KCNH4: variants seen among roughly 807,000 people sequenced by gnomAD.
KCNH4 encodes the protein voltage-gated delayed rectifier potassium channel KCNH4.
A neutral mutation model predicts 90.7 loss-of-function variants in KCNH4; 33 were observed. The observed-to-expected ratio is 0.36, with a 90% confidence interval of 0.28 to 0.49. KCNH4 has a LOEUF of 0.49. Among genes scored for constraint, KCNH4 ranks in the 20% least tolerant of loss-of-function variants. The pLI, the probability that KCNH4 is intolerant of heterozygous loss-of-function variation, is 0.98. For missense variants in KCNH4, 1,044 were observed against 1,387.1 expected, an observed-to-expected ratio of 0.75 and a Z score of 3.93; for synonymous variants, 551 against 581.7, an observed-to-expected ratio of 0.95 and a Z score of 0.76.
At chr17:42,164,866 G>A (rs1359057152) in intron 11 of KCNH4, among the ~76,000 whole-genome samples, 4 of 151,324 alleles carry the variant, frequency 2.6e-5, no homozygotes, top group Admixed American at 2.0e-4. Flanking sequence ...AGCACTTTGG[G>A]AGGCCGAGGT....
Position 42,180,499 on chromosome 17 carries a change from G to A in KCNH4, c.76+371C>T. Among the ~76,000 whole-genome samples the A allele has an allele frequency of 6.6e-6, 1 of 152,068 alleles. No individual in the cohort carries two copies. Among genetic ancestry groups the A allele is most frequent in the Admixed American group, 6.5e-5 (1 of 15,268 alleles). On this transcript the variant is annotated intron_variant, in intron 1 of 16. Transcript: ENST00000264661. This position sits in a 1 kb window ranked among gnomAD's most constrained non-coding sequence, Gnocchi z 4.7. ...AGGTAGTGGGAGCTGGAGTCTGTGA[G>A]TAGACCCCAGAATGCCCGGCCACTT...
chr17:42,160,654 C>CA (rs2079740034), intron 15 of KCNH4, among the ~76,000 whole-genome samples: 1 of 152,210 alleles, frequency 6.6e-6, no homozygotes, highest in African/African-American at 2.4e-5. Context: ...CCTACACACA[C>CA]ACGCGCGCGC....
Position 42,162,684 on chromosome 17 carries a change from C to T in KCNH4, c.2585-363G>A, listed in dbSNP as rs150614933. ...CTCAGCTCACTGCAACCTCTGTCTC[C>T]GAGGTTCAAGCAATTCTCCTGTCTC... On this transcript the variant is annotated intron_variant, in intron 14 of 16. Coordinates refer to ENST00000264661, the MANE Select transcript of KCNH4 (RefSeq NM_012285.3). Among the ~76,000 whole-genome samples, 298 of 152,140 alleles carry T rather than the reference C, an allele frequency of 2.0e-3. 5 individuals carry two copies. Among genetic ancestry groups the T allele is most frequent in the Non-Finnish European group, 6.6e-4 (45 of 67,988 alleles).
chr17:42,169,534 G>A lies in KCNH4; in HGVS notation c.1533C>T (p.Arg511=), dbSNP rs748193101. Residue 511 remains arginine (R), a synonymous_variant, in exon 9 of 17, where the codon CGC becomes CGT. Coordinates refer to ENST00000264661, the MANE Select transcript of KCNH4 (RefSeq NM_012285.3). ...VHRLPRPLKQ[R]MLEYFQTTWA... ...ACGTGGTCTGGAAGTATTCGAGCATGCGCTGCTTGAGCGGCCGCGGCAGGC... is the reference window on the plus strand; with the variant it reads ...ACGTGGTCTGGAAGTATTCGAGCATACGCTGCTTGAGCGGCCGCGGCAGGC... The A allele has an allele frequency of 2.5e-6, 4 of 1,613,520 alleles. No homozygotes were observed. The highest frequency in any genetic ancestry group is 3.4e-6 in the Non-Finnish European group (4 of 1,180,020).
At chr17:42,178,605 G>T in intron 2 of KCNH4, 128 bp from the exon 3 acceptor site, 1 of 1,280,722 alleles carries the variant, frequency 7.8e-7, no homozygotes, top group Non-Finnish European at 1.1e-6. Flanking sequence ...GAACCTCAGA[G>T]ATTCTGTCAG....
intron 9 of KCNH4, among the ~76,000 whole-genome samples, chr17:42,168,772 A>ATTTTTTTTTTTTTTTTTTTTTTTTTTTT (rs1568034449): frequency 6.6e-6 from 1 of 150,548 alleles, no homozygotes; most frequent in African/African-American, 2.4e-5. Flanking sequence ...TTTTATTTTT[A>ATTTTTTTTTTTTTTTTTTTTTTTTTTTT]TTTTTATTTT....
At position 42,166,436 on chromosome 17, in the gene KCNH4, G is replaced by T; in HGVS notation, c.1701C>A (p.Ala567=). Residue 567 remains alanine (A), a synonymous_variant, in exon 10 of 17, where the codon GCC becomes GCA. Transcript: ENST00000264661. ...FGAASRGCLR[A]LSLHIKTSFC... ...ACGAGGTCTTGATGTGCAGCGATAG[G>T]GCCCGCAGGCAGCCCCTGCTCGCTG... 6.2e-7 allele frequency: 1 copy of T among 1,614,126 alleles called. No homozygotes were observed. The highest frequency in any genetic ancestry group is 8.5e-7 in the Non-Finnish European group (1 of 1,179,994).
At chr17:42,175,485 A>G (rs914204450) in intron 6 of KCNH4, 94 bp downstream of exon 6, 2 of 1,340,116 alleles carry the variant, frequency 1.5e-6, no homozygotes, top group East Asian at 2.3e-5. Flanking sequence ...ATTGATGGGA[A>G]GGGGCATATC....
chr17:42,164,193 G>A (rs775955457), intron 11 of KCNH4, 25 bp from the exon 12 acceptor site: 1 of 1,528,366 alleles, frequency 6.5e-7, no homozygotes, highest in Non-Finnish European at 8.8e-7. Flanking sequence ...GAGAGTTCAA[G>A]CTGATTCCTG....
chr17:42,160,844 G>A (rs553489316), intron 15 of KCNH4, among the ~76,000 whole-genome samples: 9 of 151,470 alleles, frequency 5.9e-5, no homozygotes, highest in African/African-American at 1.5e-4. Context: ...TCTGGGCTCC[G>A]CCCCAGACAT....
chr17:42,172,746 A>G (rs1409244711), intron 6 of KCNH4, among the ~76,000 whole-genome samples: 1 of 151,864 alleles, frequency 6.6e-6, no homozygotes, highest in Non-Finnish European at 1.5e-5. Context: ...CTTGTGCTCT[A>G]CAGCCACTAA....
At chr17:42,174,253 T>C (rs906980787) in intron 6 of KCNH4, among the ~76,000 whole-genome samples, 2 of 152,188 alleles carry the variant, frequency 1.3e-5, no homozygotes, top group Admixed American at 6.5e-5. Flanking sequence ...TGAGCCTCTG[T>C]ACCTACCTCT....
intron 5 of KCNH4, 47 bp from the exon 6 acceptor site, chr17:42,175,783 A>C: frequency 6.2e-7 from 1 of 1,606,792 alleles, no homozygotes; most frequent in Non-Finnish European, 8.5e-7. Flanking sequence ...CAAAGGGGTC[A>C]AGAAACCGAC....
At chr17:42,175,229 C>G (rs1389590885) in intron 6 of KCNH4, among the ~76,000 whole-genome samples, 1 of 152,246 alleles carries the variant, frequency 6.6e-6, no homozygotes, top group African/African-American at 2.4e-5. Flanking sequence ...AGTGGCCATG[C>G]CCCACACAGT....
Position 42,160,017 on chromosome 17 carries a change from C to T in KCNH4, c.*23G>A. The T allele has an allele frequency of 7.4e-6, 11 of 1,484,470 alleles. No individual in the cohort carries two copies. Among genetic ancestry groups the T allele is most frequent in the Non-Finnish European group, 9.9e-6 (11 of 1,116,016 alleles). The allele number at this position is 1,484,470 out of a possible 1,614,324, so 92.0% of individuals were successfully genotyped here. A position where few individuals can be genotyped will look rare whatever the true frequency, so the allele number is the denominator to read the frequency against. On this transcript the variant is annotated 3_prime_UTR_variant, in exon 16 of 17. Coordinates refer to ENST00000264661, the MANE Select transcript of KCNH4 (RefSeq NM_012285.3). ...GGTGAGCGGCAGCGCCCACCCCAGA[C>T]AGGCCTGGGCCCTGGGCCAGGGTCA...
chr17:42,171,165 G>A (rs1465877267), intron 7 of KCNH4, among the ~76,000 whole-genome samples: 1 of 152,082 alleles, frequency 6.6e-6, no homozygotes, highest in South Asian at 2.1e-4. Context: ...GTTGTGGGGG[G>A]GATGAGAAGG....
chr17:42,177,537 C>T (rs2079870814), intron 4 of KCNH4, among the ~76,000 whole-genome samples: 1 of 152,200 alleles, frequency 6.6e-6, no homozygotes, highest in Admixed American at 6.5e-5. Flanking sequence ...TATGACAAAT[C>T]GGCACATGCC....
At chr17:42,176,952 C>T (rs2079866397) in intron 4 of KCNH4, among the ~76,000 whole-genome samples, 1 of 151,880 alleles carries the variant, frequency 6.6e-6, no homozygotes, top group Non-Finnish European at 1.5e-5. Flanking sequence ...AGTGCAGTGG[C>T]ACCATCATAA....
In KCNH4 at chr17:42,163,889, C is replaced by T. The variant is rs771296545; in HGVS notation, c.2194G>A (p.Ala732Thr). The change falls in exon 13 of 17, where the codon GCG (alanine) becomes ACG (threonine). Residue 732 changes from alanine (A) to threonine (T), a missense_variant. This residue lies in a region of KCNH4 where 441 missense variants were observed against 512.3 expected (regional missense o/e 0.86). Coordinates refer to ENST00000264661, the MANE Select transcript of KCNH4 (RefSeq NM_012285.3). This position sits in a 1 kb window ranked among gnomAD's most constrained non-coding sequence, Gnocchi z 5.4. ...GGCCTGGGACCACCCCCAGGCTCCG[C>T]GCCACTCTCGGCCTCTGTGATGGAT... ...LPSITEAESG[A>T]EPGGGPRPRR... 53 of 1,541,938 alleles carry T rather than the reference C, an allele frequency of 3.4e-5. No individual in the cohort carries two copies. Among genetic ancestry groups the T allele is most frequent in the Non-Finnish European group, 4.5e-5 (51 of 1,143,136 alleles).
Sources: gnomAD v4.1 joint callset for allele counts (sites outside exome capture counted in the v4.1 genomes callset) on GRCh38, gnomAD v4.1.1 for gene constraint, gnomAD v4.1.1 regional missense constraint, Gnocchi (gnomAD v3.1) non-coding constraint, MANE v1.5 for transcripts, NCBI Gene and HGNC (gene_info 2026-07-23, HGNC 2026-07-21) for gene names.